STK3: variants seen among roughly 807,000 people sequenced by gnomAD.
The protein encoded by STK3 is serine/threonine-protein kinase 3.
A neutral mutation model predicts 58.0 loss-of-function variants in STK3; 41 were observed. The ratio of observed to expected loss-of-function variants is 0.71; its 90% CI spans 0.55 to 0.92. The LOEUF (loss-of-function observed/expected upper bound fraction) is 0.92, where lower values mean the gene tolerates loss of function less well. Ranked by LOEUF, STK3 falls within the 40% of genes least tolerant of loss-of-function variation. The pLI is 0.00. For synonymous variants in STK3, 170 were observed against 191.0 expected, an observed-to-expected ratio of 0.89 and a Z score of 0.91; for missense variants, 479 against 602.7, an observed-to-expected ratio of 0.79 and a Z score of 2.15.
chr8:98,706,057 GA>G (rs553239922), intron 6 of STK3, among the ~76,000 whole-genome samples: 92 of 139,234 alleles, frequency 6.6e-4, no homozygotes, highest in South Asian at 3.2e-3. Flanking sequence ...AGAAAAGGCA[GA>G]AAAAAAAAAA....
intron 6 of STK3, among the ~76,000 whole-genome samples, chr8:98,614,847 C>A (rs1040358645): frequency 6.6e-6 from 1 of 152,158 alleles, no homozygotes; most frequent in Non-Finnish European, 1.5e-5. Flanking sequence ...ACAAAGCAGT[C>A]TGAGATCAAA....
intron 1 of STK3, among the ~76,000 whole-genome samples, chr8:98,794,485 TGAGCA>T (rs1833001988): frequency 2.0e-5 from 3 of 152,152 alleles, no homozygotes; most frequent in Admixed American, 2.0e-4. Context: ...ATAGAAACCC[TGAGCA>T]GACATCAGTA....
At chr8:98,696,291 G>T (rs1341196861) in intron 6 of STK3, among the ~76,000 whole-genome samples, 1 of 152,106 alleles carries the variant, frequency 6.6e-6, no homozygotes, top group Non-Finnish European at 1.5e-5. Context: ...ATACAATCAT[G>T]TCATCTGCAA....
chr8:98,356,902 T>C, the STK3 span, among the ~76,000 whole-genome samples: 1 of 152,232 alleles, frequency 6.6e-6, no homozygotes, highest in African/African-American at 2.4e-5. Flanking sequence ...AACTGAACCC[T>C]GAGCGTGGTC....
At chr8:98,561,289 C>A (rs1474713233) in intron 8 of STK3, among the ~76,000 whole-genome samples, 1 of 150,768 alleles carries the variant, frequency 6.6e-6, no homozygotes, top group Non-Finnish European at 1.5e-5. Flanking sequence ...CTAGAACAAC[C>A]GGATATCCAT....
At chr8:98,378,897 G>A (rs1396180102) in intron 2 of STK3, among the ~76,000 whole-genome samples, 1 of 152,130 alleles carries the variant, frequency 6.6e-6, no homozygotes, top group African/African-American at 2.4e-5. Flanking sequence ...TGGGCCTTTT[G>A]CAATCCTTTC....
chr8:98,740,944 C>A (rs951385028), intron 4 of STK3, among the ~76,000 whole-genome samples: 1 of 152,028 alleles, frequency 6.6e-6, no homozygotes, highest in Non-Finnish European at 1.5e-5. Context: ...GGGTTGCAAT[C>A]CTAGTCTCTG....
intron 6 of STK3, among the ~76,000 whole-genome samples, chr8:98,661,410 C>T (rs1044686026): frequency 1.4e-4 from 22 of 152,000 alleles, no homozygotes; most frequent in African/African-American, 5.3e-4. Flanking sequence ...GGGACCTGTC[C>T]CTTTTTCTCT....
At chr8:98,710,408 C>T (rs1826309493) in intron 4 of STK3, among the ~76,000 whole-genome samples, 2 of 152,304 alleles carry the variant, frequency 1.3e-5, no homozygotes, top group Middle Eastern at 3.4e-3. Context: ...AAAGGGGTGA[C>T]AGATGGCACC....
At chr8:98,481,607 G>GA (rs1349695649) in intron 10 of STK3, among the ~76,000 whole-genome samples, 3 of 150,882 alleles carry the variant, frequency 2.0e-5, no homozygotes, top group Non-Finnish European at 4.4e-5. Context: ...ATGTGGGACT[G>GA]AAAAAATCAC....
chr8:98,402,339 C>A (rs1817951107), intron 3 of STK3, among the ~76,000 whole-genome samples: 1 of 152,148 alleles, frequency 6.6e-6, no homozygotes, highest in Non-Finnish European at 1.5e-5. Context: ...ACTATCCTGG[C>A]CTGCATATCT....
rs183702513 is a variant in STK3 at position 98,866,484 on chromosome 8, C to T, written c.110+17163G>A. Among the ~76,000 whole-genome samples, 87 of 152,266 alleles carry T rather than the reference C, an allele frequency of 5.7e-4. 1 individual carries two copies. The highest frequency in any genetic ancestry group is 1.8e-3 in the African/African-American group (73 of 41,546). On this transcript the variant is annotated intron_variant, in intron 3 of 12. Coordinates refer to the STK3 transcript ENST00000523601. ...GGCAAGATGTGGGGCTGCTAAATTT[C>T]GTTGAGACATAGGTAGTCCAAGGCA...
intron 10 of STK3, among the ~76,000 whole-genome samples, chr8:98,466,824 G>A (rs1371232912): frequency 6.6e-6 from 1 of 152,108 alleles, no homozygotes; most frequent in Non-Finnish European, 1.5e-5. Flanking sequence ...TGACCTGAAA[G>A]CCACCTGGGC....
chr8:98,801,006 C>T (rs1405864718), intron 1 of STK3, among the ~76,000 whole-genome samples: 4 of 152,340 alleles, frequency 2.6e-5, no homozygotes, highest in South Asian at 2.1e-4. Context: ...CAGCTCCACC[C>T]GTGGCCCTGG....
chr8:98,710,866 T>A (rs1037601032), intron 4 of STK3, among the ~76,000 whole-genome samples: 2 of 150,122 alleles, frequency 1.3e-5, no homozygotes, highest in Non-Finnish European at 3.0e-5. Context: ...GACCCCCAAG[T>A]AGCCTAACTG....
chr8:98,407,892 T>C (rs769418409), intron 3 of STK3, among the ~76,000 whole-genome samples: 162 of 152,320 alleles, frequency 1.1e-3, no homozygotes, highest in South Asian at 2.1e-3. Context: ...ATCACTTGGA[T>C]ATGGGGGAAG....
At chr8:98,709,147 C>G (rs1826198983) in intron 4 of STK3, among the ~76,000 whole-genome samples, 1 of 152,098 alleles carries the variant, frequency 6.6e-6, no homozygotes, top group Non-Finnish European at 1.5e-5. Context: ...TATATTCTAT[C>G]TATAAGCAAC....
chr8:98,721,449 G>A (rs879286684), intron 4 of STK3, among the ~76,000 whole-genome samples: 1 of 152,054 alleles, frequency 6.6e-6, no homozygotes, highest in African/African-American at 2.4e-5. Flanking sequence ...AGGATCACAT[G>A]AGCCCAGGAG....
chr8:98,478,226 A>C (rs573432948), intron 10 of STK3, among the ~76,000 whole-genome samples: 1 of 152,226 alleles, frequency 6.6e-6, no homozygotes, highest in South Asian at 2.1e-4. Flanking sequence ...TCTGCCCCTC[A>C]CTCACAAGGT....
Sources: gnomAD v4.1 joint callset for allele counts (sites outside exome capture counted in the v4.1 genomes callset) on GRCh38, gnomAD v4.1.1 for gene constraint, MANE v1.5 for transcripts, NCBI Gene and HGNC (gene_info 2026-07-23, HGNC 2026-07-21) for gene names.